DLC1: variants seen among roughly 807,000 people sequenced by gnomAD.
The protein encoded by DLC1 is DLC1 Rho GTPase activating protein.
Under a neutral mutation model 140.3 loss-of-function variants are expected in DLC1, and 54 were observed. The ratio of observed to expected loss-of-function variants is 0.38; its 90% CI spans 0.31 to 0.48. The LOEUF is 0.48. Among genes scored for constraint, DLC1 ranks in the 20% least tolerant of loss-of-function variants. The pLI, the probability that DLC1 is intolerant of heterozygous loss-of-function variation, is 0.96. For synonymous variants in DLC1, 986 were observed against 728.1 expected (o/e 1.35, Z -5.70); for missense variants, 2,536 against 1,907.0 (o/e 1.33, Z -6.14).
intron 5 of DLC1, among the ~76,000 whole-genome samples, chr8:13,141,892 C>G (rs140449534): frequency 6.6e-6 from 1 of 152,266 alleles, no homozygotes; most frequent in African/African-American, 2.4e-5. Context: ...GACCTAGCAA[C>G]AAGGCTTATG....
intron 1 of DLC1, among the ~76,000 whole-genome samples, chr8:13,554,637 T>A (rs531667802): frequency 1.3e-5 from 2 of 152,256 alleles, no homozygotes; most frequent in African/African-American, 2.4e-5. Context: ...CTCTAAGAAA[T>A]CTTTCACCCT....
chr8:13,088,574 A>G lies in DLC1; in HGVS notation c.4205T>C (p.Ile1402Thr), dbSNP rs1217526604. The change falls in exon 16 of 18, where the codon ATC (isoleucine) becomes ACC (threonine). Residue 1402 changes from isoleucine to threonine, a missense_variant. Coordinates refer to ENST00000276297, the MANE Select transcript of DLC1 (RefSeq NM_182643.3). ...TTCAGTTTGGCTGTCCAGAATTTCGATCACTTTTGAATCCAACAGGTCTAC... is the reference window on the plus strand; with the variant it reads ...TTCAGTTTGGCTGTCCAGAATTTCGGTCACTTTTGAATCCAACAGGTCTAC... ...WDVDLLDSKV[I>T]EILDSQTEIY... 8 of 1,614,154 alleles carry G rather than the reference A, an allele frequency of 5.0e-6. No individual in the cohort carries two copies. The highest frequency in any genetic ancestry group is 6.8e-6 in the Non-Finnish European group (8 of 1,180,032).
At chr8:13,440,384 A>C (rs1317661243) in intron 2 of DLC1, among the ~76,000 whole-genome samples, 1 of 152,212 alleles carries the variant, frequency 6.6e-6, no homozygotes, top group East Asian at 1.9e-4. Flanking sequence ...ATGTTAACAA[A>C]CATAAATAGA....
chr8:13,205,260 G>A (rs1013370722), intron 5 of DLC1, among the ~76,000 whole-genome samples: 2 of 152,146 alleles, frequency 1.3e-5, no homozygotes, highest in African/African-American at 4.8e-5. Context: ...GGTACCCCCG[G>A]CAATTGTGCA....
intron 5 of DLC1, chr8:13,133,256 C>T (rs1822276773): frequency 1.5e-6 from 2 of 1,354,570 alleles, no homozygotes; most frequent in East Asian, 3.1e-5. Context: ...TGGCTGGGAG[C>T]GAAGCGCCCT....
At chr8:13,533,455 G>A (rs1405869803) in intron 1 of DLC1, among the ~76,000 whole-genome samples, 1 of 152,126 alleles carries the variant, frequency 6.6e-6, no homozygotes, top group African/African-American at 2.4e-5. Flanking sequence ...AAATGAGTGG[G>A]AGGGACTCAA....
chr8:13,296,804 C>T (rs1269023937), intron 5 of DLC1, among the ~76,000 whole-genome samples: 2 of 151,568 alleles, frequency 1.3e-5, no homozygotes, highest in Admixed American at 1.3e-4. Flanking sequence ...AATAAATATA[C>T]CAACAAAGTG....
Position 13,088,832 on chromosome 8 carries a change from T to C in DLC1, c.4075-128A>G, listed in dbSNP as rs556470593. On this transcript the variant is annotated intron_variant, in intron 15 of 17. Coordinates refer to ENST00000276297, the MANE Select transcript of DLC1 (RefSeq NM_182643.3). Reference sequence around the variant, plus strand: ...ACGTTAATTGATTAAATGATATAAATAATACTATATAATCAGTATATAAAG... The same window carrying C: ...ACGTTAATTGATTAAATGATATAAACAATACTATATAATCAGTATATAAAG... 3.9e-5 allele frequency: 27 copies of C among 691,398 alleles called. No homozygotes were observed. The South Asian group carries it at 5.2e-4, about 13-fold the overall frequency. 42.8% of individuals were successfully genotyped at this position (691,398 alleles called of 1,614,324 possible).
intron 2 of DLC1, 91 bp from the exon 3 acceptor site, chr8:13,401,710 CA>C: frequency 6.7e-7 from 1 of 1,488,858 alleles, no homozygotes; most frequent in Non-Finnish European, 9.0e-7. Flanking sequence ...ACAAAAAGTA[CA>C]CTGGATAATA....
intron 5 of DLC1, chr8:13,133,247 G>C: frequency 7.3e-7 from 1 of 1,368,812 alleles, no homozygotes. Flanking sequence ...GCCATGTCCT[G>C]GCTGGGAGCG....
intron 2 of DLC1, among the ~76,000 whole-genome samples, chr8:13,436,670 G>A (rs758073233): frequency 6.6e-6 from 1 of 152,144 alleles, no homozygotes; most frequent in Non-Finnish European, 1.5e-5. Context: ...GGAGGAAATT[G>A]TATTTTCCCA....
intron 1 of DLC1, among the ~76,000 whole-genome samples, chr8:13,520,535 T>C (rs911456282): frequency 2.0e-5 from 3 of 152,084 alleles, no homozygotes; most frequent in African/African-American, 7.2e-5. Flanking sequence ...GATGGGTTGA[T>C]GGGTGCAGCA....
chr8:13,443,269 G>A lies in DLC1; in HGVS notation c.1024-41650C>T, dbSNP rs542668942. ...ACCTAAGGTTAAATGATAGTTAATGGGTGCAGCACACCAACATGGCACATG... is the reference window on the plus strand; with the variant it reads ...ACCTAAGGTTAAATGATAGTTAATGAGTGCAGCACACCAACATGGCACATG... On this transcript the variant is annotated intron_variant, in intron 2 of 17. Coordinates refer to ENST00000276297, the MANE Select transcript of DLC1 (RefSeq NM_182643.3). 8.2e-4 allele frequency among the ~76,000 whole-genome samples: 124 copies of A among 151,012 alleles called. 1 individual carries two copies. Among genetic ancestry groups the A allele is most frequent in the African/African-American group, 3.0e-3 (121 of 41,000 alleles).
chr8:13,212,752 T>C (rs553911436), intron 5 of DLC1, among the ~76,000 whole-genome samples: 381 of 152,290 alleles, frequency 2.5e-3, no homozygotes, highest in Middle Eastern at 6.8e-3. Context: ...ATGCCTTTAA[T>C]CCTTCAGTTA....
At chr8:13,259,937 T>A (rs551594423) in intron 5 of DLC1, among the ~76,000 whole-genome samples, 1 of 152,030 alleles carries the variant, frequency 6.6e-6, no homozygotes, top group Non-Finnish European at 1.5e-5. Flanking sequence ...AGACTTCAGA[T>A]GAAATGGACA....
At position 13,276,614 on chromosome 8, in the gene DLC1, C is replaced by T. The variant is rs537145333; in HGVS notation, c.1348+28655G>A. On this transcript the variant is annotated intron_variant, in intron 5 of 17. Transcript: ENST00000276297. ...ACATCTGGAAAGACTTACCCTGCGC[C>T]GGCGACACCCTCGCGGGGCGCGCGA... 6,395 of 1,229,254 alleles carry T rather than the reference C, an allele frequency of 5.2e-3. 18 individuals are homozygous for T. The highest frequency in any genetic ancestry group is 5.9e-3 in the Non-Finnish European group (5,835 of 986,898). 76.1% of individuals were successfully genotyped at this position (1,229,254 alleles called of 1,614,324 possible). A position where few individuals can be genotyped will look rare whatever the true frequency, so the allele number is the denominator to read the frequency against.
chr8:13,152,289 T>C (rs546742716), intron 5 of DLC1, among the ~76,000 whole-genome samples: 50 of 152,342 alleles, frequency 3.3e-4, no homozygotes, highest in African/African-American at 1.2e-3. Context: ...TTAACAACTT[T>C]GCATGCTTCT....
intron 5 of DLC1, among the ~76,000 whole-genome samples, chr8:13,269,461 A>G (rs150776039): frequency 2.0e-3 from 307 of 152,238 alleles, no homozygotes; most frequent in Middle Eastern, 3.4e-3. Flanking sequence ...AGCTGGGCAC[A>G]GTGGCTTGTG....
At chr8:13,316,109 T>C (rs1231891245) in intron 4 of DLC1, among the ~76,000 whole-genome samples, 1 of 152,156 alleles carries the variant, frequency 6.6e-6, no homozygotes, top group African/African-American at 2.4e-5. Context: ...CAAAGTACAC[T>C]CAGACACAAG....
Sources: gnomAD v4.1 joint callset for allele counts (sites outside exome capture counted in the v4.1 genomes callset) on GRCh38, gnomAD v4.1.1 for gene constraint, MANE v1.5 for transcripts, NCBI Gene and HGNC (gene_info 2026-07-23, HGNC 2026-07-21) for gene names.